SLC24A3: variants seen among roughly 807,000 people sequenced by gnomAD.
SLC24A3 encodes sodium/potassium/calcium exchanger 3.
A neutral mutation model predicts 75.8 loss-of-function variants in SLC24A3; 28 were observed. That is an observed-to-expected ratio of 0.37 (90% confidence interval 0.27 to 0.51). The LOEUF is 0.51. Among genes scored for constraint, SLC24A3 ranks in the 20% least tolerant of loss-of-function variants. The pLI is 0.94. For missense variants in SLC24A3, 663 were observed against 847.8 expected (o/e 0.78, Z 2.71); for synonymous variants, 372 against 334.1 (o/e 1.11, Z -1.24).
At chr20:19,694,081 C>T (rs1178046595) in intron 13 of SLC24A3, 1 of 152,214 alleles carries the variant, frequency 6.6e-6, no homozygotes, top group Non-Finnish European at 1.5e-5. Flanking sequence ...CCTTCTGAGG[C>T]TAAAATAATG....
chr20:19,447,795 G>C (rs1419266884), intron 2 of SLC24A3, among the ~76,000 whole-genome samples: 1 of 152,182 alleles, frequency 6.6e-6, no homozygotes, highest in Non-Finnish European at 1.5e-5. Flanking sequence ...TTTTGGAAGA[G>C]ACCTGTTTCT....
intron 8 of SLC24A3, among the ~76,000 whole-genome samples, chr20:19,669,115 CCTAGTG>C (rs745997495): frequency 6.6e-6 from 1 of 152,128 alleles, no homozygotes; most frequent in African/African-American, 2.4e-5. Flanking sequence ...GCTGCCTCAA[CCTAGTG>C]GGTGGGGTTC....
At chr20:19,418,645 C>T (rs1020741510) in intron 2 of SLC24A3, among the ~76,000 whole-genome samples, 7 of 151,414 alleles carry the variant, frequency 4.6e-5, no homozygotes, top group African/African-American at 1.7e-4. Flanking sequence ...TCATTGAGTG[C>T]CCATCACCAT....
intron 2 of SLC24A3, among the ~76,000 whole-genome samples, chr20:19,314,168 G>A (rs1230868246): frequency 6.6e-6 from 1 of 152,098 alleles, no homozygotes; most frequent in Non-Finnish European, 1.5e-5. Flanking sequence ...TAAGGTCCCA[G>A]GCCTGCAGAC....
chr20:19,651,691 C>T (rs2032206012), intron 6 of SLC24A3, among the ~76,000 whole-genome samples: 1 of 151,832 alleles, frequency 6.6e-6, no homozygotes, highest in African/African-American at 2.4e-5. Context: ...AACCCTGTCT[C>T]TACTAAAAAA....
rs189320548 is a variant in SLC24A3, at chr20:19,279,519, T to C, written c.143-1440T>C. 3.7e-4 allele frequency among the ~76,000 whole-genome samples: 57 copies of C among 152,344 alleles called. 3 individuals carry two copies. Among genetic ancestry groups the C allele is most frequent in the African/African-American group, 1.3e-3 (56 of 41,584 alleles). On this transcript the variant is annotated intron_variant, in intron 1 of 16. Coordinates refer to ENST00000328041, the MANE Select transcript of SLC24A3 (RefSeq NM_020689.4). ...GGCTACACCTTCCTTCCTGAAATTC[T>C]CTTTCTGCTTACCTTCCACGACACC... is the stretch of plus-strand genomic sequence containing the variant.
chr20:19,326,370 G>C (rs1984862953), intron 2 of SLC24A3, among the ~76,000 whole-genome samples: 1 of 152,024 alleles, frequency 6.6e-6, no homozygotes. Context: ...TATGGGCTGG[G>C]AGAGAACTAC....
intron 3 of SLC24A3, among the ~76,000 whole-genome samples, chr20:19,519,064 T>A (rs940845615): frequency 2.6e-5 from 4 of 152,132 alleles, no homozygotes; most frequent in Admixed American, 6.5e-5. Context: ...GGGCTGTCTT[T>A]TCCTGGGGTT....
chr20:19,226,531 T>C (rs6132178), intron 1 of SLC24A3, among the ~76,000 whole-genome samples: 22,776 of 152,126 alleles, frequency 0.15, 2,988 homozygotes, highest in East Asian at 0.73. Context: ...CTCCATGGAA[T>C]TAATCTTAAA....
chr20:19,537,854 A>T (rs1172364779), intron 3 of SLC24A3, among the ~76,000 whole-genome samples: 60 of 140,054 alleles, frequency 4.3e-4, no homozygotes, highest in Non-Finnish European at 8.0e-4. Flanking sequence ...CAGGAAGGGG[A>T]ACATCACACA....
chr20:19,474,044 G>C (rs953057879), intron 2 of SLC24A3, among the ~76,000 whole-genome samples: 1 of 152,246 alleles, frequency 6.6e-6, no homozygotes, highest in East Asian at 1.9e-4. Context: ...CGGAGGAGAT[G>C]TTCTACTTGT....
intron 4 of SLC24A3, among the ~76,000 whole-genome samples, chr20:19,584,749 G>A (rs1355173169): frequency 2.6e-5 from 4 of 152,234 alleles, no homozygotes; most frequent in Non-Finnish European, 5.9e-5. Flanking sequence ...AGGACATTGA[G>A]AGGAGCTCTG....
intron 2 of SLC24A3, among the ~76,000 whole-genome samples, chr20:19,312,150 T>G (rs1024329910): frequency 6.6e-6 from 1 of 152,188 alleles, no homozygotes; most frequent in Non-Finnish European, 1.5e-5. Context: ...TAAGTGGCAG[T>G]GGGTGTCCCT....
At chr20:19,346,109 G>GTT (rs1985398468) in intron 2 of SLC24A3, among the ~76,000 whole-genome samples, 2 of 19,412 alleles carry the variant, frequency 1.0e-4, no homozygotes, top group Non-Finnish European at 1.7e-4. Flanking sequence ...ATATATATAT[G>GTT]GTGTGTGTGT....
At chr20:19,667,091 T>C (rs2032407596) in intron 8 of SLC24A3, among the ~76,000 whole-genome samples, 1 of 152,166 alleles carries the variant, frequency 6.6e-6, no homozygotes, top group Admixed American at 6.5e-5. Flanking sequence ...GACTGCTAAC[T>C]CTTTGTTGGT....
intron 2 of SLC24A3, among the ~76,000 whole-genome samples, chr20:19,507,262 C>G (rs1047961076): frequency 2.6e-5 from 4 of 152,174 alleles, no homozygotes; most frequent in African/African-American, 9.7e-5. Flanking sequence ...CCTCCCTCCC[C>G]CAGTCTACTG....
chr20:19,528,687 CT>C (rs2122572911), intron 3 of SLC24A3, among the ~76,000 whole-genome samples: 1 of 152,218 alleles, frequency 6.6e-6, no homozygotes, highest in Admixed American at 6.5e-5. Flanking sequence ...ACTCTGATTG[CT>C]GCTGTTTTGT....
At chr20:19,328,085 G>A (rs1001167872) in intron 2 of SLC24A3, among the ~76,000 whole-genome samples, 3 of 152,138 alleles carry the variant, frequency 2.0e-5, no homozygotes, top group Admixed American at 6.5e-5. Context: ...GTCTCTGAAG[G>A]AGGGAGGGAG....
chr20:19,270,679 ATTTCCACAT>A (rs1983300057), intron 1 of SLC24A3, among the ~76,000 whole-genome samples: 1 of 152,146 alleles, frequency 6.6e-6, no homozygotes, highest in Non-Finnish European at 1.5e-5. Flanking sequence ...GGGAGTTAGG[ATTTCCACAT>A]ATGAATTTGA....
Sources: gnomAD v4.1 joint callset for allele counts (sites outside exome capture counted in the v4.1 genomes callset) on GRCh38, gnomAD v4.1.1 for gene constraint, MANE v1.5 for transcripts, NCBI Gene and HGNC (gene_info 2026-07-23, HGNC 2026-07-21) for gene names.